Variants in TUBGCP5 observed in about 807,000 individuals in gnomAD.
TUBGCP5 encodes the protein tubulin gamma complex component 5.
A neutral mutation model predicts 134.7 loss-of-function variants in TUBGCP5; 98 were observed. The observed-to-expected ratio is 0.73, with a 90% confidence interval of 0.62 to 0.86. The LOEUF is 0.86. Among genes scored for constraint, TUBGCP5 ranks in the 40% least tolerant of loss-of-function variants. The pLI, the probability that TUBGCP5 is intolerant of heterozygous loss-of-function variation, is 0.00. For synonymous variants in TUBGCP5, 456 were observed against 431.4 expected (o/e 1.06, Z -0.71); for missense variants, 1,150 against 1,244.8 (o/e 0.92, Z 1.15).
At chr15:23,019,483 CA>C in intron 11 of TUBGCP5, 149 bp from the exon 12 acceptor site, 1 of 643,286 alleles carries the variant, frequency 1.6e-6, no homozygotes, top group Non-Finnish European at 2.8e-6. Flanking sequence ...CAAAAACATA[CA>C]CTATAAAATC....
intron 13 of TUBGCP5, among the ~76,000 whole-genome samples, chr15:23,015,242 C>T (rs183564356): frequency 6.6e-6 from 1 of 152,052 alleles, no homozygotes; most frequent in Admixed American, 6.5e-5. Flanking sequence ...TGCGCCACCA[C>T]ATCTAGCTAA....
chr15:23,001,136 G>A (rs1223068389), intron 21 of TUBGCP5, among the ~76,000 whole-genome samples: 2 of 152,054 alleles, frequency 1.3e-5, no homozygotes, highest in Non-Finnish European at 2.9e-5. Flanking sequence ...TCCGCCTCCT[G>A]GGTTCAAGTG....
chr15:23,039,481 C>T lies in TUBGCP5; in HGVS notation c.63G>A (p.Glu21=). The change falls in exon 1 of 23, where the codon GAG becomes GAA. Residue 21 remains glutamate, a synonymous_variant. Coordinates refer to ENST00000615383, the MANE Select transcript of TUBGCP5 (RefSeq NM_052903.6). ...LDAQQERDVR[E]LVRGVAGLQD... ...GGAGGCCGGCGACACCCCGGACGAGCTCCCGCACGTCGCGCTCCTGCTGCG... is the reference window on the plus strand; with the variant it reads ...GGAGGCCGGCGACACCCCGGACGAGTTCCCGCACGTCGCGCTCCTGCTGCG... The T allele has an allele frequency of 5.9e-6, 9 of 1,529,666 alleles. No homozygotes were observed. The highest frequency in any genetic ancestry group is 7.9e-6 in the Non-Finnish European group (9 of 1,134,502). The allele number at this position is 1,529,666 out of a possible 1,614,324, so 94.8% of individuals were successfully genotyped here.
intron 23 of TUBGCP5, among the ~76,000 whole-genome samples, chr15:22,989,990 G>A (rs113577789): frequency 0.021 from 3,212 of 152,188 alleles, 120 homozygotes; most frequent in African/African-American, 0.074. Flanking sequence ...TCCTGCCCTG[G>A]GGCTTCCCTG....
chr15:22,998,601 G>A (rs1388111857), downstream of TUBGCP5, among the ~76,000 whole-genome samples: 1 of 151,932 alleles, frequency 6.6e-6, no homozygotes, highest in Non-Finnish European at 1.5e-5. Flanking sequence ...TGGGACCACA[G>A]GCATGTGCCA....
Position 23,004,226 on chromosome 15 carries a change from A to T in TUBGCP5, c.2714T>A (p.Ile905Asn). 6.2e-7 allele frequency: 1 copy of T among 1,603,182 alleles called. No homozygotes were observed. The change falls in exon 20 of 23, where the codon ATT becomes AAT. Residue 905 changes from isoleucine (I) to asparagine (N), a missense_variant and splice_region_variant. Ile to Asn is a moderately radical substitution (Grantham distance 149). Coordinates refer to ENST00000615383, the MANE Select transcript of TUBGCP5 (RefSeq NM_052903.6). ...AAACTCCAGCCCTGTACTGTGTAGA[A>T]TCTTGGAAGAGAAAGATAAAAAGCT... ...NSLHNYIMTR[I>N]LHSTGLEFQH...
intron 13 of TUBGCP5, 56 bp downstream of exon 13, chr15:23,017,717 C>A: frequency 6.6e-7 from 1 of 1,524,796 alleles, no homozygotes; most frequent in Non-Finnish European, 8.9e-7. Context: ...ATGACAAGAG[C>A]GAGTAGGGTC....
At chr15:22,998,170 C>T (rs2064181416), downstream of TUBGCP5, among the ~76,000 whole-genome samples, 1 of 151,930 alleles carries the variant, frequency 6.6e-6, no homozygotes, top group Non-Finnish European at 1.5e-5. Flanking sequence ...CAAAAATTAG[C>T]TGGGCGTGGT....
At chr15:23,026,395 TTACAA>T (rs1227710530) in intron 7 of TUBGCP5, among the ~76,000 whole-genome samples, 190 bp from the exon 8 acceptor site, 1 of 152,148 alleles carries the variant, frequency 6.6e-6, no homozygotes, top group Non-Finnish European at 1.5e-5. Context: ...TTCAGAACAA[TTACAA>T]TTGTTACGTT....
chr15:22,987,306 A>C (rs1461067808), intron 23 of TUBGCP5, among the ~76,000 whole-genome samples: 9 of 150,714 alleles, frequency 6.0e-5, no homozygotes, highest in Non-Finnish European at 1.0e-4. Flanking sequence ...TGTGCACTCC[A>C]GCCTGGGCAA....
rs71414252 is a variant in TUBGCP5 at position 22,993,525 on chromosome 15, GTTTTTTTT to G, written c.*61+3312_*61+3319del. On this transcript the variant is annotated intron_variant and NMD_transcript_variant, in intron 23 of 23. Transcript: ENST00000614508. Reference sequence around the variant, plus strand: ...TAATCCTCCCACCTCAGCCCCCGAAGTTTTTTTTTTTTTTTTTTTTTTTTTTTTTTTTA... The same window carrying G: ...TAATCCTCCCACCTCAGCCCCCGAAGTTTTTTTTTTTTTTTTTTTTTTTTA... Among the ~76,000 whole-genome samples, 494 of 69,232 alleles carry G rather than the reference GTTTTTTTT, an allele frequency of 7.1e-3. 10 individuals carry two copies. Among genetic ancestry groups the G allele is most frequent in the African/African-American group, 0.027 (449 of 16,704 alleles). The allele number at this position is 69,232 out of a possible 152,430, so 45.4% of individuals were successfully genotyped here.
chr15:23,009,319 A>G (rs536514653), intron 15 of TUBGCP5, among the ~76,000 whole-genome samples: 24 of 149,986 alleles, frequency 1.6e-4, no homozygotes, highest in Non-Finnish European at 2.2e-4. Flanking sequence ...CCCAGGCTGG[A>G]GTGCAGTGGC....
At chr15:23,020,840 G>A (rs982362189) in intron 11 of TUBGCP5, among the ~76,000 whole-genome samples, 65 of 152,092 alleles carry the variant, frequency 4.3e-4, no homozygotes, top group African/African-American at 1.6e-3. Flanking sequence ...CCACACTCAA[G>A]CCATCTTCCT....
At chr15:23,032,194 T>C (rs2066348489) in intron 4 of TUBGCP5, among the ~76,000 whole-genome samples, 165 bp from the exon 5 acceptor site, 1 of 152,220 alleles carries the variant, frequency 6.6e-6, no homozygotes, top group Non-Finnish European at 1.5e-5. Context: ...TTTTACATTT[T>C]AATTAACTCA....
intron 18 of TUBGCP5, 91 bp downstream of exon 18, chr15:23,005,961 A>C (rs2064688888): frequency 7.6e-7 from 1 of 1,313,978 alleles, no homozygotes; most frequent in Admixed American, 3.1e-5. Context: ...TTTTTTCCAG[A>C]TCCCCGTATG....
chr15:22,994,101 T>C (rs1047269334), intron 23 of TUBGCP5, among the ~76,000 whole-genome samples: 1 of 152,038 alleles, frequency 6.6e-6, no homozygotes, highest in African/African-American at 2.4e-5. Flanking sequence ...TTTCCCTTCT[T>C]TTTTAGGATG....
At chr15:23,018,080 T>C (rs370437644) in intron 12 of TUBGCP5, 39 bp from the exon 13 acceptor site, 1 of 1,552,206 alleles carries the variant, frequency 6.4e-7, no homozygotes, top group African/African-American at 1.4e-5. Context: ...CTTATTTCTC[T>C]TTCTTAAAAA....
At chr15:22,996,774 C>A, downstream of TUBGCP5, 1 of 152,434 alleles carries the variant, frequency 6.6e-6, no homozygotes, top group Non-Finnish European at 1.5e-5. Context: ...AGGCATGAGC[C>A]ACTGCACCTG....
intron 3 of TUBGCP5, 121 bp from the exon 4 acceptor site, chr15:23,032,945 T>A (rs1207941292): frequency 6.5e-6 from 4 of 617,696 alleles, no homozygotes; most frequent in Non-Finnish European, 1.1e-5. Context: ...TGAGAAAACA[T>A]GAGTTATACC....
Sources: gnomAD v4.1 joint callset for allele counts (sites outside exome capture counted in the v4.1 genomes callset) on GRCh38, gnomAD v4.1.1 for gene constraint, MANE v1.5 for transcripts, NCBI Gene and HGNC (gene_info 2026-07-23, HGNC 2026-07-21) for gene names.